Variants in COX7A2L observed in about 807,000 individuals in gnomAD.
The protein encoded by COX7A2L is cytochrome c oxidase subunit 7A2-like, mitochondrial.
COX7A2L carries 18 observed loss-of-function variants against 14.2 expected under a neutral mutation model. The observed-to-expected ratio is 1.27, with a 90% CI of 0.88 to 1.88. COX7A2L has a LOEUF of 1.88. Among genes scored for constraint, COX7A2L ranks in the 40% most tolerant of loss-of-function variants. The probability of loss-of-function intolerance (pLI) is 0.00; values close to 1 mark genes in which losing one functional copy is unlikely to be tolerated. For synonymous variants in COX7A2L, 65 were observed against 57.4 expected, an observed-to-expected ratio of 1.13 and a Z score of -0.60; for missense variants, 179 against 138.8, an observed-to-expected ratio of 1.29 and a Z score of -1.46.
intron 2 of COX7A2L, among the ~76,000 whole-genome samples, chr2:42,337,689 G>A (rs550821169): frequency 6.6e-6 from 1 of 151,814 alleles, no homozygotes; most frequent in South Asian, 2.1e-4. Flanking sequence ...GGAAGCAGAG[G>A]GAAGGGTTCA....
At chr2:42,340,983 G>A (rs907593353) in intron 2 of COX7A2L, among the ~76,000 whole-genome samples, 13 of 152,142 alleles carry the variant, frequency 8.5e-5, no homozygotes, top group African/African-American at 3.1e-4. Flanking sequence ...CTCACCTCTG[G>A]CATCCTGGGT....
chr2:42,357,377 C>A (rs1315502880), intron 1 of COX7A2L, among the ~76,000 whole-genome samples: 1 of 152,202 alleles, frequency 6.6e-6, no homozygotes, highest in African/African-American at 2.4e-5. Flanking sequence ...GCATTGATCA[C>A]AGCTCACTGC....
downstream of COX7A2L, among the ~76,000 whole-genome samples, chr2:42,347,759 T>C (rs1670527713): frequency 6.6e-6 from 1 of 152,092 alleles, no homozygotes. Context: ...CCGTCTCTAC[T>C]AAAAATACAA....
Position 42,361,154 on chromosome 2 carries a change from T to G in COX7A2L, c.8A>C (p.Tyr3Ser). The G allele has an allele frequency of 6.2e-7, 1 of 1,613,044 alleles. No individual in the cohort carries two copies. Among genetic ancestry groups the G allele is most frequent in the Non-Finnish European group, 8.5e-7 (1 of 1,179,522 alleles). The change falls in exon 1 of 3, where the codon TAC becomes TCC. Residue 3 changes from tyrosine (Y) to serine (S), a missense_variant. Tyr to Ser is a moderately radical substitution (Grantham distance 144, BLOSUM62 -2). Coordinates refer to ENST00000234301, the MANE Select transcript of COX7A2L (RefSeq NM_004718.4). ...CTTCTGCGTGAAGCCACTAAACTTG[T>G]AGTACATGACGCCCAGAGTCCGGCT... Reference protein sequence around the residue: MYYKFSGFTQKLA... With the variant: MYSKFSGFTQKLA...
In COX7A2L at chr2:42,338,674, C is replaced by G. The variant is rs961986148; in HGVS notation, c.193-4805G>C. Among the ~76,000 whole-genome samples the G allele has an allele frequency of 2.6e-5, 4 of 152,052 alleles. No homozygotes were observed. The highest frequency in any genetic ancestry group is 4.4e-5 in the Non-Finnish European group (3 of 68,022). On this transcript the variant is annotated intron_variant, in intron 2 of 2. Coordinates refer to the COX7A2L transcript ENST00000468711. This position sits in a 1 kb window ranked among gnomAD's most constrained non-coding sequence, Gnocchi z 4.4. ...CATCCCCACCTGGCGGTCAGCCTGT[C>G]GAGGGGCCAGTGAGGAATCTGACAG...
chr2:42,343,945 C>T (rs892888715), intron 2 of COX7A2L, among the ~76,000 whole-genome samples: 5 of 152,078 alleles, frequency 3.3e-5, no homozygotes, highest in African/African-American at 7.2e-5. Flanking sequence ...ATGAAGGGGC[C>T]GAGAAGGAGA....
At chr2:42,351,945 T>C (rs976928566) in intron 2 of COX7A2L, among the ~76,000 whole-genome samples, 9 of 152,170 alleles carry the variant, frequency 5.9e-5, no homozygotes, top group African/African-American at 2.2e-4. Flanking sequence ...AGTGTGCCAC[T>C]ACACTCTGGC....
chr2:42,350,913 G>T lies in COX7A2L; in HGVS notation c.*306C>A, dbSNP rs138073836. The stretch of plus-strand genomic sequence containing the variant: ...CTCAAAAATGCAACCTCAAGTCCCT[G>T]AGGTCCTCAGCACAGACTGACATTA... On this transcript the variant is annotated 3_prime_UTR_variant, in exon 3 of 3. Transcript: ENST00000234301. 721 of 198,906 alleles carry T rather than the reference G, an allele frequency of 3.6e-3. 9 individuals are homozygous for T. The highest frequency in any genetic ancestry group is 0.016 in the African/African-American group (679 of 43,290). The allele number at this position is 198,906 out of a possible 1,614,324, so 12.3% of individuals were successfully genotyped here. A position where few individuals can be genotyped will look rare whatever the true frequency, so the allele number is the denominator to read the frequency against.
chr2:42,361,049 C>G (rs776843991), intron 1 of COX7A2L, 41 bp downstream of exon 1: 27 of 1,606,414 alleles, frequency 1.7e-5, no homozygotes, highest in Non-Finnish European at 2.1e-5. Context: ...AGGCTAGGGC[C>G]GCCACTTCTC....
At chr2:42,358,763 T>C (rs961996104) in intron 1 of COX7A2L, among the ~76,000 whole-genome samples, 3 of 152,204 alleles carry the variant, frequency 2.0e-5, no homozygotes, top group Non-Finnish European at 4.4e-5. Context: ...TTTATTACAA[T>C]ATGCCAGTTT....
At chr2:42,352,068 T>C (rs1466611048) in intron 2 of COX7A2L, among the ~76,000 whole-genome samples, 1 of 152,196 alleles carries the variant, frequency 6.6e-6, no homozygotes, top group African/African-American at 2.4e-5. Flanking sequence ...TCGGAGTACC[T>C]CATGTCAATA....
At position 42,351,205 on chromosome 2, in the gene COX7A2L, C is replaced by T; in HGVS notation, c.*14G>A. On this transcript the variant is annotated 3_prime_UTR_variant, in exon 3 of 3. Coordinates refer to ENST00000234301, the MANE Select transcript of COX7A2L (RefSeq NM_004718.4). ...GTTTATGCCAAAAAACAAACCAGTC[C>T]TCTGCAGCCTAACTCATTTGTTTTT... 1 of 1,610,618 alleles carries T rather than the reference C, an allele frequency of 6.2e-7. No homozygotes were observed. The highest frequency in any genetic ancestry group is 8.5e-7 in the Non-Finnish European group (1 of 1,178,404).
At chr2:42,336,220 T>C (rs777787499) in intron 2 of COX7A2L, among the ~76,000 whole-genome samples, 109 of 152,312 alleles carry the variant, frequency 7.2e-4, no homozygotes, top group Middle Eastern at 3.4e-3. Flanking sequence ...TGCTCAGCCA[T>C]AGAATTTTGA....
chr2:42,348,197 T>C (rs1403416216), downstream of COX7A2L, among the ~76,000 whole-genome samples: 8 of 152,188 alleles, frequency 5.3e-5, no homozygotes, highest in Admixed American at 5.2e-4. Context: ...ATCAAAAATG[T>C]AGAAGGAATG....
At chr2:42,351,620 C>T (rs566645191) in intron 2 of COX7A2L, among the ~76,000 whole-genome samples, 79 of 152,286 alleles carry the variant, frequency 5.2e-4, no homozygotes, top group Non-Finnish European at 1.0e-3. Context: ...TCACATATTG[C>T]TTAACTGGAG....
intron 1 of COX7A2L, among the ~76,000 whole-genome samples, chr2:42,366,551 A>C (rs1671169289): frequency 6.6e-6 from 1 of 152,220 alleles, no homozygotes; most frequent in Non-Finnish European, 1.5e-5. Flanking sequence ...TAAAATTTTC[A>C]GTTTAACAGG....
chr2:42,356,726 G>C (rs1462327200), intron 1 of COX7A2L, among the ~76,000 whole-genome samples: 3 of 152,074 alleles, frequency 2.0e-5, no homozygotes, highest in Admixed American at 1.3e-4. Flanking sequence ...AGGAGTTTGA[G>C]ATCATCCTGG....
chr2:42,357,668 C>T (rs1038681218), intron 1 of COX7A2L, among the ~76,000 whole-genome samples: 1 of 152,044 alleles, frequency 6.6e-6, no homozygotes, highest in Non-Finnish European at 1.5e-5. Context: ...GTCCTTCTGA[C>T]ACCTCACACT....
chr2:42,348,657 G>T (rs549215647), downstream of COX7A2L, among the ~76,000 whole-genome samples: 1 of 152,190 alleles, frequency 6.6e-6, no homozygotes, highest in East Asian at 1.9e-4. Context: ...GGTGACTCAC[G>T]CCTGTAATCC....
Sources: gnomAD v4.1 joint callset for allele counts (sites outside exome capture counted in the v4.1 genomes callset) on GRCh38, gnomAD v4.1.1 for gene constraint, Gnocchi (gnomAD v3.1) non-coding constraint, MANE v1.5 for transcripts, NCBI Gene and HGNC (gene_info 2026-07-23, HGNC 2026-07-21) for gene names.